The following AKAP13 variants were observed in gnomAD, a reference collection of about 807,000 sequenced individuals.
AKAP13 encodes the protein A-kinase anchoring protein 13.
AKAP13 carries 80 observed loss-of-function variants against 264.5 expected under a neutral mutation model. The ratio of observed to expected loss-of-function variants is 0.30; its 90% CI spans 0.25 to 0.36. The LOEUF is 0.36. AKAP13 is among the 10% of genes least tolerant of loss of function. AKAP13 has a pLI of 1.00. For synonymous variants in AKAP13, 1,380 were observed against 1,250.2 expected (o/e 1.10, Z -2.19); for missense variants, 3,712 against 3,435.2 (o/e 1.08, Z -2.01).
In AKAP13 at chr15:85,664,613, C is replaced by G. The variant is rs201277547; in HGVS notation, c.4850C>G (p.Ser1617Cys). 151 of 1,613,726 alleles carry G rather than the reference C, an allele frequency of 9.4e-5. No individual in the cohort carries two copies. Among genetic ancestry groups the G allele is most frequent in the Non-Finnish European group, 1.3e-4 (149 of 1,179,846 alleles). Residue 1617 changes from serine (S) to cysteine (C), a missense_variant, in exon 13 of 37, where the codon TCC becomes TGC. This residue lies in a region of AKAP13 where 2,759 missense variants were observed against 2,411.7 expected (regional missense o/e 1.14). Coordinates refer to ENST00000394518, the MANE Select transcript of AKAP13 (RefSeq NM_007200.5). ...GGAGCTGGTGTCGGAAACAAGCCAT[C>G]CTCATCTCTAGAAGTAAGCTCTGCA... is the stretch of plus-strand genomic sequence containing the variant. ...TGGAGVGNKP[S>C]SSLEVSSANA...
At chr15:85,397,526 A>G (rs1004844274) in intron 1 of AKAP13, among the ~76,000 whole-genome samples, 2 of 152,206 alleles carry the variant, frequency 1.3e-5, no homozygotes, top group African/African-American at 2.4e-5. Context: ...GCCTTGATGC[A>G]TGTTGAAATC....
intron 5 of AKAP13, among the ~76,000 whole-genome samples, chr15:85,546,017 C>T (rs528461081): frequency 5.5e-4 from 83 of 152,164 alleles, no homozygotes; most frequent in African/African-American, 2.0e-3. Flanking sequence ...CTCTGTTCTC[C>T]TTTCTGTCTC....
intron 1 of AKAP13, among the ~76,000 whole-genome samples, chr15:85,454,874 CA>C (rs1449182112): frequency 1.3e-5 from 2 of 152,192 alleles, no homozygotes; most frequent in African/African-American, 4.8e-5. Context: ...TCTTAACAGG[CA>C]GCAAGAAATT....
Position 85,745,744 on chromosome 15 carries a change from G to A in AKAP13, c.*1067G>A, listed in dbSNP as rs920000986. ...AAGCTAGGACAGCTGGCTGAGAAGT[G>A]GGTTCAGGCGAAGGGTGAAGCCATG... On this transcript the variant is annotated 3_prime_UTR_variant, in exon 37 of 37. Coordinates refer to ENST00000394518, the MANE Select transcript of AKAP13 (RefSeq NM_007200.5). The A allele has an allele frequency of 6.6e-6, 1 of 152,350 alleles. No homozygotes were observed. The highest frequency in any genetic ancestry group is 2.4e-5 in the African/African-American group (1 of 41,468). 9.4% of individuals were successfully genotyped at this position (152,350 alleles called of 1,614,324 possible).
intron 1 of AKAP13, among the ~76,000 whole-genome samples, chr15:85,383,970 CAGA>C (rs2070424122): frequency 6.6e-6 from 1 of 152,188 alleles, no homozygotes; most frequent in South Asian, 2.1e-4. Flanking sequence ...ACACCATTTA[CAGA>C]AGAAGGCAGT....
intron 8 of AKAP13, among the ~76,000 whole-genome samples, chr15:85,600,128 T>C (rs1197650972): frequency 1.3e-5 from 2 of 151,712 alleles, no homozygotes; most frequent in African/African-American, 2.4e-5. Context: ...AATGTGGGGG[T>C]TGGGGAAGCA....
rs371676374 is a variant in AKAP13, at chr15:85,543,953, C to T, written c.660C>T (p.Thr220=). The stretch of plus-strand genomic sequence containing the variant: ...ATCACAAGCTGCACCAGCTTCTAAC[C>T]GAGTAAGTGCTCCTTCTGCCTTATT... ...RGYHKLHQLL[T]EENAGEPDSW... Residue 220 remains threonine, a splice_region_variant and synonymous_variant, in exon 5 of 37, where the codon ACC becomes ACT. Coordinates refer to ENST00000394518, the MANE Select transcript of AKAP13 (RefSeq NM_007200.5). 9.9e-6 allele frequency: 16 copies of T among 1,611,350 alleles called. No individual in the cohort carries two copies. Among genetic ancestry groups the T allele is most frequent in the Middle Eastern group, 1.7e-4 (1 of 6,052 alleles).
Position 85,501,657 on chromosome 15 carries a change from A to T in AKAP13, c.33+15904A>T, listed in dbSNP as rs114369216. On this transcript the variant is annotated intron_variant, in intron 2 of 36. Coordinates refer to ENST00000394518, the MANE Select transcript of AKAP13 (RefSeq NM_007200.5). ...ATCTTAATGATCTCATGAGATAACT[A>T]TTTTTTTTCTACATTTTAAAGCAGA... Among the ~76,000 whole-genome samples, 650 of 152,096 alleles carry T rather than the reference A, an allele frequency of 4.3e-3. 4 individuals carry two copies. The highest frequency in any genetic ancestry group is 0.015 in the African/African-American group (632 of 41,486).
chr15:85,540,384 G>C (rs994234706), intron 4 of AKAP13, among the ~76,000 whole-genome samples: 2 of 152,174 alleles, frequency 1.3e-5, no homozygotes, highest in African/African-American at 4.8e-5. Flanking sequence ...CAACTGGTTA[G>C]GGGCTTTAAT....
At chr15:85,392,784 G>A (rs1445355593) in intron 1 of AKAP13, among the ~76,000 whole-genome samples, 1 of 152,170 alleles carries the variant, frequency 6.6e-6, no homozygotes, top group Non-Finnish European at 1.5e-5. Context: ...GCTAATCGTG[G>A]CACCATTTTG....
chr15:85,562,921 C>T (rs1174019986), intron 5 of AKAP13, among the ~76,000 whole-genome samples: 1 of 149,378 alleles, frequency 6.7e-6, no homozygotes, highest in African/African-American at 2.5e-5. Context: ...ACCATATTGG[C>T]CAGGCTGGTC....
intron 5 of AKAP13, among the ~76,000 whole-genome samples, chr15:85,563,497 A>T (rs1346860950): frequency 2.0e-5 from 3 of 152,092 alleles, no homozygotes; most frequent in Admixed American, 1.3e-4. Context: ...GAAATGTTCT[A>T]CTTGGAAGGA....
chr15:85,604,825 A>T (rs1488682390), intron 8 of AKAP13, among the ~76,000 whole-genome samples: 3 of 152,110 alleles, frequency 2.0e-5, no homozygotes, highest in Non-Finnish European at 4.4e-5. Flanking sequence ...TAGAATTCAG[A>T]CCCAGGAAAA....
rs767360299 is a variant in AKAP13, at chr15:85,533,823, A to G, written c.421A>G (p.Arg141Gly). 4 of 1,613,582 alleles carry G rather than the reference A, an allele frequency of 2.5e-6. No homozygotes were observed. Among genetic ancestry groups the G allele is most frequent in the Non-Finnish European group, 3.4e-6 (4 of 1,179,684 alleles). Reference sequence around the variant, plus strand: ...TGATAAGAAGTTGGTGCTGGCATTCAGGCACCTGAAGCTGCCCACGGAGTG... The same window carrying G: ...TGATAAGAAGTTGGTGCTGGCATTCGGGCACCTGAAGCTGCCCACGGAGTG... The part of the protein sequence containing the change: ...SLDKKLVLAF[R>G]HLKLPTEWNV... Residue 141 changes from arginine to glycine, a missense_variant, in exon 4 of 37, where the codon AGG becomes GGG. By Grantham distance (125) the Arg-to-Gly change is moderately radical. This residue lies in a region of AKAP13 where 2,759 missense variants were observed against 2,411.7 expected (regional missense o/e 1.14). Coordinates refer to ENST00000394518, the MANE Select transcript of AKAP13 (RefSeq NM_007200.5).
intron 5 of AKAP13, among the ~76,000 whole-genome samples, chr15:85,548,945 C>G (rs945355236): frequency 6.1e-5 from 9 of 147,386 alleles, no homozygotes; most frequent in Non-Finnish European, 1.2e-4. Flanking sequence ...AAGAAGAGGA[C>G]TGTCTTCAAT....
At chr15:85,592,697 T>G (rs1250511766) in intron 8 of AKAP13, among the ~76,000 whole-genome samples, 2 of 152,166 alleles carry the variant, frequency 1.3e-5, no homozygotes, top group Non-Finnish European at 2.9e-5. Context: ...TTCATGTAGA[T>G]TTTTTGGAGA....
At position 85,643,489 on chromosome 15, in the gene AKAP13, C is replaced by T. The variant is rs935784360; in HGVS notation, c.4238-2329C>T. ...TGTTAATTAGAAGAACTATTTCTTC[C>T]CACTTTCAACACACAGAGACAACAT... On this transcript the variant is annotated intron_variant, in intron 9 of 36. Coordinates refer to ENST00000394518, the MANE Select transcript of AKAP13 (RefSeq NM_007200.5). 6.6e-5 allele frequency among the ~76,000 whole-genome samples: 10 copies of T among 152,112 alleles called. No homozygotes were observed. In the South Asian group the frequency reaches 1.0e-3, roughly 16 times the overall value.
chr15:85,408,487 T>A (rs12901648), intron 1 of AKAP13, among the ~76,000 whole-genome samples: 1 of 151,522 alleles, frequency 6.6e-6, no homozygotes, highest in South Asian at 2.1e-4. Flanking sequence ...TCTATTTCTC[T>A]CTCCTCCGTG....
intron 3 of AKAP13, among the ~76,000 whole-genome samples, chr15:85,524,674 C>G (rs2076955862): frequency 6.6e-6 from 1 of 152,088 alleles, no homozygotes; most frequent in South Asian, 2.1e-4. Context: ...CAATATTTCC[C>G]TAAATAGAGT....
Sources: allele counts gnomAD v4.1 joint callset (sites outside exome capture counted in the v4.1 genomes callset), GRCh38; gene constraint gnomAD v4.1.1; regional missense constraint gnomAD v4.1.1; transcripts MANE v1.5; gene names NCBI Gene and HGNC (gene_info 2026-07-23, HGNC 2026-07-21).